NWD2: variants seen among roughly 807,000 people sequenced by gnomAD.
NWD2 encodes the protein NACHT and WD repeat domain containing 2.
In NWD2, 37 loss-of-function variants were observed where a neutral mutation model predicts 132.7. That is an observed-to-expected ratio of 0.28 (90% CI 0.21 to 0.37). The LOEUF (loss-of-function observed/expected upper bound fraction) is 0.37, where lower values mean the gene tolerates loss of function less well. Among genes scored for constraint, NWD2 ranks in the 10% least tolerant of loss-of-function variants. NWD2 has a pLI of 1.00. For synonymous variants in NWD2, 705 were observed against 803.0 expected, an observed-to-expected ratio of 0.88 and a Z score of 2.06; for missense variants, 1,592 against 2,122.4, an observed-to-expected ratio of 0.75 and a Z score of 4.91.
At chr4:37,435,159 C>A (rs1712289644) in intron 5 of NWD2, among the ~76,000 whole-genome samples, 1 of 152,070 alleles carries the variant, frequency 6.6e-6, no homozygotes, top group Non-Finnish European at 1.5e-5. Flanking sequence ...TTCCAGGGAA[C>A]AAACACAACT....
chr4:37,279,787 A>C (rs1718092204), intron 1 of NWD2, among the ~76,000 whole-genome samples: 1 of 152,122 alleles, frequency 6.6e-6, no homozygotes, highest in Admixed American at 6.5e-5. Flanking sequence ...TAAACCAAAA[A>C]TAAAAAATAA....
In NWD2 at chr4:37,447,515, C is replaced by G; in HGVS notation, c.*298C>G. 1 of 392,368 alleles carries G rather than the reference C, an allele frequency of 2.5e-6. No homozygotes were observed. The highest frequency in any genetic ancestry group is 4.7e-6 in the Non-Finnish European group (1 of 214,296). The allele number at this position is 392,368 out of a possible 1,614,324, so 24.3% of individuals were successfully genotyped here. A position where few individuals can be genotyped will look rare whatever the true frequency, so the allele number is the denominator to read the frequency against. On this transcript the variant is annotated 3_prime_UTR_variant, in exon 7 of 7. Coordinates refer to ENST00000309447, the MANE Select transcript of NWD2 (RefSeq NM_001144990.2). ...TGGTGAGGCAGCATAATACATCCCACTGGTTAAGATGAGAGAGGCTAGAGT... is the reference window on the plus strand; with the variant it reads ...TGGTGAGGCAGCATAATACATCCCAGTGGTTAAGATGAGAGAGGCTAGAGT...
intron 3 of NWD2, among the ~76,000 whole-genome samples, chr4:37,408,740 T>G (rs977578902): frequency 1.3e-5 from 2 of 152,094 alleles, no homozygotes; most frequent in Non-Finnish European, 2.9e-5. Context: ...CTGGGAGACA[T>G]CTCCCAGTAG....
chr4:37,349,439 A>G (rs1719717956), intron 2 of NWD2, among the ~76,000 whole-genome samples: 1 of 152,182 alleles, frequency 6.6e-6, no homozygotes, highest in Non-Finnish European at 1.5e-5. Flanking sequence ...ACCAGTGATC[A>G]TGAGCTGTTT....
chr4:37,296,593 G>A (rs1352997046), intron 1 of NWD2, among the ~76,000 whole-genome samples: 1 of 152,094 alleles, frequency 6.6e-6, no homozygotes, highest in Non-Finnish European at 1.5e-5. Flanking sequence ...CACAGGAGTA[G>A]AAACCCAAAG....
intron 1 of NWD2, among the ~76,000 whole-genome samples, chr4:37,296,661 T>A (rs1216759046): frequency 1.3e-5 from 2 of 151,622 alleles, no homozygotes; most frequent in Non-Finnish European, 2.9e-5. Context: ...ACATACAGAG[T>A]GATATAATAG....
intron 1 of NWD2, among the ~76,000 whole-genome samples, chr4:37,284,677 T>C (rs1461832618): frequency 6.6e-6 from 1 of 152,202 alleles, no homozygotes; most frequent in Non-Finnish European, 1.5e-5. Context: ...ATTGTTCAAT[T>C]TGGAAGAGTG....
intron 1 of NWD2, among the ~76,000 whole-genome samples, chr4:37,289,655 G>A (rs1718317824): frequency 6.6e-6 from 1 of 152,056 alleles, no homozygotes; most frequent in Non-Finnish European, 1.5e-5. Context: ...GTCTTTTGAG[G>A]TAAAATTTAC....
intron 1 of NWD2, among the ~76,000 whole-genome samples, chr4:37,293,885 TAAAAAA>T (rs10579771): frequency 6.8e-6 from 1 of 146,616 alleles, no homozygotes; most frequent in South Asian, 2.2e-4. Flanking sequence ...ACACTGCATT[TAAAAAA>T]AAAAAAAAAA....
rs374504860 is a variant in NWD2 at position 37,420,093 on chromosome 4, G to A, written c.358-10479G>A. Among the ~76,000 whole-genome samples the A allele has an allele frequency of 3.9e-5, 6 of 152,246 alleles. No individual in the cohort carries two copies. The South Asian group carries it at 1.0e-3, about 26-fold the overall frequency. On this transcript the variant is annotated intron_variant, in intron 3 of 6. Coordinates refer to ENST00000309447, the MANE Select transcript of NWD2 (RefSeq NM_001144990.2). ...TATCACATTTGTGCTTTCATTTGCA[G>A]TTCTACAATTGTTAATAGGGTGAGC...
chr4:37,288,206 A>G (rs540697956), intron 1 of NWD2, among the ~76,000 whole-genome samples: 12 of 152,334 alleles, frequency 7.9e-5, no homozygotes, highest in African/African-American at 2.4e-4. Context: ...AGGTGCAGCA[A>G]ACCACCATGG....
chr4:37,276,603 T>C (rs1718018277), intron 1 of NWD2, among the ~76,000 whole-genome samples: 2 of 151,966 alleles, frequency 1.3e-5, no homozygotes. Flanking sequence ...TTATAAATCA[T>C]GCTGCTATAA....
intron 3 of NWD2, among the ~76,000 whole-genome samples, chr4:37,402,570 G>A (rs1720914325): frequency 1.3e-5 from 2 of 152,176 alleles, no homozygotes; most frequent in African/African-American, 2.4e-5. Context: ...TAAATGCAAT[G>A]TACTTCCCCC....
intron 1 of NWD2, among the ~76,000 whole-genome samples, chr4:37,262,493 T>G (rs1254102649): frequency 6.6e-6 from 1 of 152,150 alleles, no homozygotes; most frequent in Admixed American, 6.6e-5. Flanking sequence ...GCCGGTATTC[T>G]TGGGAAAAAA....
intron 3 of NWD2, among the ~76,000 whole-genome samples, chr4:37,413,573 A>C (rs1385331036): frequency 6.6e-6 from 1 of 152,226 alleles, no homozygotes; most frequent in African/African-American, 2.4e-5. Flanking sequence ...CGATTCCTCA[A>C]GGATCTAGAA....
intron 5 of NWD2, among the ~76,000 whole-genome samples, chr4:37,438,223 T>A (rs1394150565): frequency 6.7e-6 from 1 of 149,238 alleles, no homozygotes; most frequent in Non-Finnish European, 1.5e-5. Context: ...ATTGCGCCAC[T>A]GCACTCCAGC....
At chr4:37,295,898 A>C (rs1718479782) in intron 1 of NWD2, among the ~76,000 whole-genome samples, 1 of 152,194 alleles carries the variant, frequency 6.6e-6, no homozygotes. Flanking sequence ...CATTATTCAC[A>C]GATTCAACAT....
rs1322284982 is a variant in NWD2, at chr4:37,448,893, T to G, written c.*1676T>G. The G allele has an allele frequency of 1.3e-5, 2 of 152,198 alleles. No individual in the cohort carries two copies. Among genetic ancestry groups the G allele is most frequent in the Non-Finnish European group, 2.9e-5 (2 of 68,040 alleles). The allele number at this position is 152,198 out of a possible 1,614,324, so 9.4% of individuals were successfully genotyped here. On this transcript the variant is annotated 3_prime_UTR_variant, in exon 7 of 7. Transcript: ENST00000309447. Reference sequence around the variant, plus strand: ...TCATGTAACCCATAGAGAATCCAGGTCAATTGTATTTCCTCTTGGAAAGCA... The same window carrying G: ...TCATGTAACCCATAGAGAATCCAGGGCAATTGTATTTCCTCTTGGAAAGCA...
chr4:37,308,722 G>A (rs777960507), intron 1 of NWD2, among the ~76,000 whole-genome samples: 2 of 152,134 alleles, frequency 1.3e-5, no homozygotes, highest in South Asian at 4.1e-4. Context: ...CAATTCTCAG[G>A]TGAGCCAGTC....
Sources: allele counts gnomAD v4.1 joint callset (sites outside exome capture counted in the v4.1 genomes callset), GRCh38; gene constraint gnomAD v4.1.1; transcripts MANE v1.5; gene names NCBI Gene and HGNC (gene_info 2026-07-23, HGNC 2026-07-21).